The following ANKRD30B variants were observed in gnomAD, a reference collection of about 807,000 sequenced individuals.
ANKRD30B encodes the protein ankyrin repeat domain 30B.
In ANKRD30B, 144 loss-of-function variants were observed where a neutral mutation model predicts 202.2. The ratio of observed to expected loss-of-function variants is 0.71; its 90% CI spans 0.62 to 0.82. ANKRD30B has a LOEUF of 0.82. Ranked by LOEUF, ANKRD30B falls within the 40% of genes least tolerant of loss-of-function variation. The pLI is 0.00. For missense variants in ANKRD30B, 1,487 were observed against 1,669.1 expected (o/e 0.89, Z 1.90); for synonymous variants, 508 against 561.3 (o/e 0.91, Z 1.34).
the ANKRD30B span, among the ~76,000 whole-genome samples, chr18:14,864,315 A>G: frequency 6.6e-6 from 1 of 152,190 alleles, no homozygotes; most frequent in East Asian, 1.9e-4. Flanking sequence ...AGCCTGGGCA[A>G]CAGAGCAGGA....
At chr18:14,876,193 T>A in the ANKRD30B span, among the ~76,000 whole-genome samples, 2 of 151,540 alleles carry the variant, frequency 1.3e-5, no homozygotes, top group African/African-American at 4.9e-5. Context: ...GCTTGGGGTC[T>A]GGAGTTTGGG....
the ANKRD30B span, among the ~76,000 whole-genome samples, chr18:14,879,965 G>A: frequency 6.6e-6 from 1 of 152,068 alleles, no homozygotes; most frequent in Non-Finnish European, 1.5e-5. Context: ...CTATACCAAT[G>A]TCTAGAAGGG....
At chr18:14,852,719 T>G (rs1320822602) in intron 42 of ANKRD30B, 5 of 198,242 alleles carry the variant, frequency 2.5e-5, no homozygotes, top group Admixed American at 2.4e-4. Context: ...TGTCTCTTTG[T>G]GGCCACATTT....
rs1469665369 is a variant in ANKRD30B at position 14,784,365 on chromosome 18, G to A, written c.1599+1G>A. 1 of 1,612,764 alleles carries A rather than the reference G, an allele frequency of 6.2e-7. No homozygotes were observed. The highest frequency in any genetic ancestry group is 2.2e-5 in the East Asian group (1 of 44,702). The stretch of plus-strand genomic sequence containing the variant: ...TCCTGAGAAGCCATCTGCCTTCAAG[G>A]TATTTAGTTTTATGGTTTCATTTTG... On this transcript the variant is annotated splice_donor_variant, in intron 13 of 43. Coordinates refer to ENST00000690538, the MANE Select transcript of ANKRD30B (RefSeq NM_001367607.2). LOFTEE classifies it high-confidence loss of function.
rs754086462 is a variant in ANKRD30B at position 14,791,455 on chromosome 18, C to G, written c.1789C>G (p.Gln597Glu). ...KDVYLPKATH[Q>E]KEFDTLSGKL... ...TGTGTATTTACCCAAAGCTACACAT[C>G]AAAAAGAATTCGATACCTTAAGTGG... Residue 597 changes from glutamine to glutamate, a missense_variant, in exon 16 of 44, where the codon CAA (glutamine) becomes GAA (glutamate). Gln to Glu is a conservative substitution (Grantham distance 29, BLOSUM62 2). Around this residue, in one of 6 missense-constraint regions of ANKRD30B, gnomAD observed 889 missense variants for 841.4 expected, o/e 1.06. Transcript: ENST00000690538. The G allele has an allele frequency of 1.9e-6, 3 of 1,610,558 alleles. No homozygotes were observed. Among genetic ancestry groups the G allele is most frequent in the South Asian group, 1.1e-5 (1 of 90,470 alleles).
At chr18:14,882,590 A>G in the ANKRD30B span, among the ~76,000 whole-genome samples, 2 of 152,100 alleles carry the variant, frequency 1.3e-5, no homozygotes, top group African/African-American at 4.8e-5. Context: ...TGGTTGTTGG[A>G]TGAAATGTTC....
the ANKRD30B span, among the ~76,000 whole-genome samples, chr18:14,887,928 T>G: frequency 6.6e-6 from 1 of 152,002 alleles, no homozygotes. Context: ...TTCTCAATTT[T>G]ACTTTGAGGA....
chr18:14,820,527 G>A (rs927617584), intron 30 of ANKRD30B, among the ~76,000 whole-genome samples: 8 of 152,152 alleles, frequency 5.3e-5, no homozygotes, highest in African/African-American at 1.9e-4. Context: ...ATTATTTTGA[G>A]ATACATCCCA....
At chr18:14,918,317 G>A in the ANKRD30B span, among the ~76,000 whole-genome samples, 2 of 152,110 alleles carry the variant, frequency 1.3e-5, no homozygotes, top group African/African-American at 4.8e-5. Flanking sequence ...CTTGGAACTG[G>A]GATGTCAGCA....
At chr18:14,767,417 A>G (rs1454658594) in intron 7 of ANKRD30B, among the ~76,000 whole-genome samples, 3 of 152,232 alleles carry the variant, frequency 2.0e-5, no homozygotes, top group East Asian at 1.9e-4. Context: ...ATAACTCATG[A>G]TAAAATAAAA....
chr18:14,749,474 C>A lies in ANKRD30B; in HGVS notation c.221+834C>A, dbSNP rs368051055. Among the ~76,000 whole-genome samples, 14 of 152,104 alleles carry A rather than the reference C, an allele frequency of 9.2e-5. No individual in the cohort carries two copies. In the East Asian group the frequency reaches 1.2e-3, roughly 13 times the overall value. ...ATCATCTGAGGTCAGGAGTTCAAGA[C>A]CAGCCTGGCCAATATGGTGAAACAC... On this transcript the variant is annotated intron_variant, in intron 1 of 43. Transcript: ENST00000690538.
chr18:14,921,561 A>AG, the ANKRD30B span, among the ~76,000 whole-genome samples: 281 of 119,170 alleles, frequency 2.4e-3, no homozygotes, highest in African/African-American at 6.7e-3. Flanking sequence ...TGTAGTAAAA[A>AG]GGGAAAAAAA....
At chr18:14,805,261 G>A (rs1180211293) in intron 24 of ANKRD30B, among the ~76,000 whole-genome samples, 1 of 150,790 alleles carries the variant, frequency 6.6e-6, no homozygotes, top group Non-Finnish European at 1.5e-5. Context: ...TTTATGACTT[G>A]AATACTTAAA....
rs564016486 is a variant in ANKRD30B at position 14,829,151 on chromosome 18, G to T, written c.2774+843G>T. Among the ~76,000 whole-genome samples the T allele has an allele frequency of 3.4e-4, 52 of 151,428 alleles. 1 individual carries two copies. In the South Asian group the frequency reaches 0.011, roughly 31 times the overall value. On this transcript the variant is annotated intron_variant, in intron 33 of 43. Transcript: ENST00000690538. ...TTCTTCTATTATTTTATTTCTTTCT[G>T]CCAGCCCCATTTTTCTATAGCTAAA...
At chr18:14,757,075 C>A (rs1914486931) in intron 4 of ANKRD30B, among the ~76,000 whole-genome samples, 1 of 151,590 alleles carries the variant, frequency 6.6e-6, no homozygotes, top group South Asian at 2.1e-4. Context: ...TCATTTTTTT[C>A]ATAGTGTATT....
chr18:14,767,841 C>A (rs937839224), intron 7 of ANKRD30B, among the ~76,000 whole-genome samples: 6 of 152,246 alleles, frequency 3.9e-5, no homozygotes, highest in Non-Finnish European at 7.4e-5. Context: ...TTCTAGAATT[C>A]CCCATTTAAT....
chr18:14,791,316 A>G, intron 15 of ANKRD30B, 85 bp from the exon 16 acceptor site: 2 of 1,168,426 alleles, frequency 1.7e-6, no homozygotes, highest in Non-Finnish European at 2.5e-6. Context: ...TGTGTTTTTA[A>G]AAAAGATTCT....
chr18:14,865,613 C>A, the ANKRD30B span, among the ~76,000 whole-genome samples: 8 of 151,520 alleles, frequency 5.3e-5, no homozygotes, highest in Admixed American at 2.6e-4. Context: ...CCATCTACCC[C>A]CAGTTTTTTT....
chr18:14,774,234 T>G (rs1967209782), intron 9 of ANKRD30B, among the ~76,000 whole-genome samples: 7 of 152,188 alleles, frequency 4.6e-5, no homozygotes, highest in Admixed American at 3.9e-4. Context: ...GAATATATTA[T>G]GAACAAAAGT....
Sources: gnomAD v4.1 joint callset for allele counts (sites outside exome capture counted in the v4.1 genomes callset) on GRCh38, gnomAD v4.1.1 for gene constraint, gnomAD v4.1.1 regional missense constraint, MANE v1.5 for transcripts, NCBI Gene and HGNC (gene_info 2026-07-23, HGNC 2026-07-21) for gene names.